SORBS3: variants seen among roughly 807,000 people sequenced by gnomAD.
The protein encoded by SORBS3 is sorbin and SH3 domain containing 3.
SORBS3 carries 69 observed loss-of-function variants against 98.0 expected under a neutral mutation model. The ratio of observed to expected loss-of-function variants is 0.70; its 90% CI spans 0.58 to 0.86. The LOEUF (loss-of-function observed/expected upper bound fraction) is 0.86. SORBS3 is among the 40% of genes least tolerant of loss of function. The pLI, the probability that SORBS3 is intolerant of heterozygous loss-of-function variation, is 0.00. For missense variants in SORBS3, 954 were observed against 908.5 expected (o/e 1.05, Z -0.64); for synonymous variants, 394 against 355.4 (o/e 1.11, Z -1.22).
upstream of SORBS3, chr8:22,550,020 A>T: frequency 1.0e-6 from 1 of 985,428 alleles, no homozygotes; most frequent in Non-Finnish European, 1.2e-6. Flanking sequence ...AAGAAAGTGA[A>T]AGCGATGTGG....
At position 22,564,456 on chromosome 8, in the gene SORBS3, T is replaced by G. The variant is rs533581728; in HGVS notation, c.763-12T>G. Reference sequence around the variant, plus strand: ...AGTTCACCTGCTCTGACACACCCTTTCTACCCTTCAGCCCAAGAAACCGCT... The same window carrying G: ...AGTTCACCTGCTCTGACACACCCTTGCTACCCTTCAGCCCAAGAAACCGCT... On this transcript the variant is annotated splice_polypyrimidine_tract_variant and intron_variant, in intron 9 of 20. Coordinates refer to ENST00000240123, the MANE Select transcript of SORBS3 (RefSeq NM_005775.5). 4 of 1,613,988 alleles carry G rather than the reference T, an allele frequency of 2.5e-6. No individual in the cohort carries two copies. Among genetic ancestry groups the G allele is most frequent in the African/African-American group, 1.3e-5 (1 of 74,904 alleles).
chr8:22,566,938 G>A lies in SORBS3; in HGVS notation c.1190+70G>A, dbSNP rs1224701099. The A allele has an allele frequency of 7.0e-6, 11 of 1,578,250 alleles. No homozygotes were observed. In the South Asian group the frequency reaches 9.0e-5, roughly 13 times the overall value. ...GCCATCCCAGAGGGGGATGGGGAGGGGGACTGGGCTGCAGTGGGCATCCCC... is the reference window on the plus strand; with the variant it reads ...GCCATCCCAGAGGGGGATGGGGAGGAGGACTGGGCTGCAGTGGGCATCCCC... On this transcript the variant is annotated intron_variant, in intron 15 of 20. Transcript: ENST00000240123.
upstream of SORBS3, among the ~76,000 whole-genome samples, chr8:22,549,672 TA>T (rs1164639292): frequency 4.8e-4 from 73 of 152,158 alleles, no homozygotes; most frequent in African/African-American, 1.6e-3. Context: ...CAGGCCTAAG[TA>T]GACAGGCAGA....
chr8:22,554,316 G>A lies in SORBS3; in HGVS notation c.-55-136G>A, dbSNP rs1404730359. On this transcript the variant is annotated intron_variant, in intron 1 of 20. Transcript: ENST00000240123. This position sits in a 1 kb window ranked among gnomAD's most constrained non-coding sequence, Gnocchi z 6.5. ...GGTGCCTGGCGTGGCCTGTTTCCTG[G>A]GTCCTTGAGCTAGTACCCAGCTGGT... 17 of 900,882 alleles carry A rather than the reference G, an allele frequency of 1.9e-5. No individual in the cohort carries two copies. The Admixed American group carries it at 5.9e-4, about 31-fold the overall frequency. The allele number at this position is 900,882 out of a possible 1,614,324, so 55.8% of individuals were successfully genotyped here. A position where few individuals can be genotyped will look rare whatever the true frequency, so the allele number is the denominator to read the frequency against.
Position 22,561,895 on chromosome 8 carries a change from C to A in SORBS3, c.548C>A (p.Pro183His). ...AGGCATCTAGGAGCCCAGCAAAGAC[C>A]TGCCCACAGGCCCGGCCCGGCAACA... The part of the protein sequence containing the change: ...DPRHLGAQQR[P>H]AHRPGPATSS... The change falls in exon 7 of 21, where the codon CCT (proline) becomes CAT (histidine). Residue 183 changes from proline to histidine, a missense_variant. Pro to His is a moderately conservative substitution (Grantham distance 77, BLOSUM62 -2). Coordinates refer to ENST00000240123, the MANE Select transcript of SORBS3 (RefSeq NM_005775.5). The A allele has an allele frequency of 6.2e-7, 1 of 1,614,228 alleles. No homozygotes were observed. Among genetic ancestry groups the A allele is most frequent in the East Asian group, 2.2e-5 (1 of 44,884 alleles).
chr8:22,549,200 C>T (rs138317369), upstream of SORBS3, among the ~76,000 whole-genome samples: 1,239 of 152,294 alleles, frequency 8.1e-3, 12 homozygotes, highest in Middle Eastern at 0.01. Flanking sequence ...GTGGGGAAGC[C>T]GCGACTTGCA....
In SORBS3 at chr8:22,568,646, A is replaced by G. The variant is rs537912833; in HGVS notation, c.1306-502A>G. On this transcript the variant is annotated intron_variant, in intron 16 of 20. Transcript: ENST00000240123. ...TGTGAAATGGTTTATTGGCTGCTTG[A>G]TTTTTATGGGCAGAGTGAAGCAAAG... Among the ~76,000 whole-genome samples the G allele has an allele frequency of 2.2e-4, 34 of 152,148 alleles. No individual in the cohort carries two copies. The South Asian group carries it at 7.1e-3, about 32-fold the overall frequency.
intron 1 of SORBS3, 93 bp downstream of exon 1, chr8:22,552,115 G>A: frequency 1.0e-6 from 1 of 968,868 alleles, no homozygotes. Context: ...CCCTCCCCGG[G>A]GTCCGCGTCC....
chr8:22,561,241 C>G lies in SORBS3; in HGVS notation c.479-94C>G, dbSNP rs1186290082. 5 of 1,248,062 alleles carry G rather than the reference C, an allele frequency of 4.0e-6. No individual in the cohort carries two copies. The African/African-American group carries it at 6.0e-5, about 15-fold the overall frequency. The allele number at this position is 1,248,062 out of a possible 1,614,324, so 77.3% of individuals were successfully genotyped here. On this transcript the variant is annotated intron_variant, in intron 5 of 20. Coordinates refer to ENST00000240123, the MANE Select transcript of SORBS3 (RefSeq NM_005775.5). Reference sequence around the variant, plus strand: ...CTGACTCAGCCCTCAGCCCCCTACTCTAGGGATGTTGGGAGCGGCTGAGGT... The same window carrying G: ...CTGACTCAGCCCTCAGCCCCCTACTGTAGGGATGTTGGGAGCGGCTGAGGT...
At chr8:22,551,897 G>C (rs1563811416), upstream of SORBS3, 2 of 985,228 alleles carry the variant, frequency 2.0e-6, no homozygotes, top group Non-Finnish European at 2.4e-6. This position sits in a 1 kb window ranked among gnomAD's most constrained non-coding sequence, Gnocchi z 5.8. Flanking sequence ...CCGGTCACGA[G>C]GGCCGCGACG....
chr8:22,571,051 C>G lies in SORBS3; in HGVS notation c.1573C>G (p.Pro525Ala). ...CCGGCTCCGGCTCTGTGACGACGGC[C>G]CCCAGCTCCCCACGTCTCCCCGCCT... The part of the protein sequence containing the change: ...EPRLRLCDDG[P>A]QLPTSPRLTA... The change falls in exon 18 of 21, where the codon CCC becomes GCC. Residue 525 changes from proline to alanine, a missense_variant. Pro to Ala is a conservative substitution (Grantham distance 27). Coordinates refer to ENST00000240123, the MANE Select transcript of SORBS3 (RefSeq NM_005775.5). The G allele has an allele frequency of 6.2e-7, 1 of 1,613,282 alleles. No homozygotes were observed. Among genetic ancestry groups the G allele is most frequent in the South Asian group, 1.1e-5 (1 of 91,058 alleles).
At chr8:22,556,500 G>C (rs185795415) in intron 3 of SORBS3, among the ~76,000 whole-genome samples, 96 of 152,294 alleles carry the variant, frequency 6.3e-4, no homozygotes, top group African/African-American at 2.3e-3. Flanking sequence ...AGAAGGATGG[G>C]GGTAGGGCCA....
At position 22,556,786 on chromosome 8, in the gene SORBS3, C is replaced by T; in HGVS notation, c.292C>T (p.Gln98Ter). 6.2e-7 allele frequency: 1 copy of T among 1,613,848 alleles called. No individual in the cohort carries two copies. Among genetic ancestry groups the T allele is most frequent in the Non-Finnish European group, 8.5e-7 (1 of 1,180,028 alleles). The change falls in exon 4 of 21, where the codon CAG (glutamine) becomes TAG (stop). Residue 98 changes from glutamine (Q) to a stop codon, truncating the protein, a stop_gained. Transcript: ENST00000240123. LOFTEE classifies it high-confidence loss of function. ...PSASTKIPAS[Q>*]HTQNWSATWT... ...TGCAAGCACAAAGATCCCTGCCTCC[C>T]AGCACACCCAGAACTGGTCAGCCAC...
At chr8:22,545,879 C>T (rs1374353573) in intron 1 of SORBS3, among the ~76,000 whole-genome samples, 2 of 152,336 alleles carry the variant, frequency 1.3e-5, no homozygotes, top group East Asian at 3.9e-4. Flanking sequence ...GAGGATGACA[C>T]TGTAAATCCC....
intron 7 of SORBS3, among the ~76,000 whole-genome samples, chr8:22,563,615 C>T (rs1401030770): frequency 1.3e-5 from 2 of 152,298 alleles, no homozygotes; most frequent in East Asian, 3.9e-4. Flanking sequence ...ACATACAGGA[C>T]ACTTTAGCAA....
chr8:22,559,053 G>A (rs1840242675), intron 5 of SORBS3, among the ~76,000 whole-genome samples: 1 of 152,232 alleles, frequency 6.6e-6, no homozygotes, highest in Non-Finnish European at 1.5e-5. Context: ...GTGCAAATAA[G>A]GAGGAGCCAC....
intron 16 of SORBS3, among the ~76,000 whole-genome samples, chr8:22,568,004 C>A (rs532995175): frequency 6.6e-6 from 1 of 152,052 alleles, no homozygotes. Flanking sequence ...TGCGCCACCA[C>A]GCCCAGATAA....
chr8:22,554,866 C>T lies in SORBS3; in HGVS notation c.106C>T (p.Pro36Ser), dbSNP rs1840155850. 2.5e-6 allele frequency: 4 copies of T among 1,608,928 alleles called. No individual in the cohort carries two copies. Among genetic ancestry groups the T allele is most frequent in the Non-Finnish European group, 3.4e-6 (4 of 1,178,068 alleles). The change falls in exon 3 of 21, where the codon CCC becomes TCC. Residue 36 changes from proline to serine, a missense_variant. Physicochemically the swap from Pro to Ser is moderately conservative, Grantham distance 74. Coordinates refer to ENST00000240123, the MANE Select transcript of SORBS3 (RefSeq NM_005775.5). This position sits in a 1 kb window ranked among gnomAD's most constrained non-coding sequence, Gnocchi z 6.5. ...IGSSSRGTRV[P>S]VIRNGGSNTL... ...CGCTCCTGGCCCCTCCCCGCAGGTG[C>T]CCGTGATCCGGAATGGTGGCTCCAA...
At position 22,575,115 on chromosome 8, in the gene SORBS3, A is replaced by G. The variant is rs1840700848; in HGVS notation, c.*387A>G. 1 of 371,660 alleles carries G rather than the reference A, an allele frequency of 2.7e-6. No individual in the cohort carries two copies. Among genetic ancestry groups the G allele is most frequent in the South Asian group, 2.0e-5 (1 of 50,168 alleles). The allele number at this position is 371,660 out of a possible 1,614,324, so 23.0% of individuals were successfully genotyped here. ...CCACGGGGTTCCTCTAACCAGAACC[A>G]GCTTCCTAGCCTCGTAGAGACCAAA... On this transcript the variant is annotated 3_prime_UTR_variant, in exon 21 of 21. Transcript: ENST00000240123.
Sources: gnomAD v4.1 joint callset for allele counts (sites outside exome capture counted in the v4.1 genomes callset) on GRCh38, gnomAD v4.1.1 for gene constraint, Gnocchi (gnomAD v3.1) non-coding constraint, MANE v1.5 for transcripts, NCBI Gene and HGNC (gene_info 2026-07-23, HGNC 2026-07-21) for gene names.